The following C2CD3 variants were observed in gnomAD, a reference collection of about 807,000 sequenced individuals.
The protein encoded by C2CD3 is C2 domain containing 3 centriole elongation regulator.
A neutral mutation model predicts 234.0 loss-of-function variants in C2CD3; 148 were observed. The observed-to-expected ratio is 0.63, with a 90% CI of 0.55 to 0.72. The LOEUF (loss-of-function observed/expected upper bound fraction) is 0.72. Among genes scored for constraint, C2CD3 ranks in the 30% least tolerant of loss-of-function variants. The probability of loss-of-function intolerance (pLI) is 0.00; values close to 1 mark genes in which losing one functional copy is unlikely to be tolerated. For missense variants in C2CD3, 2,577 were observed against 2,811.5 expected (o/e 0.92, Z 1.89); for synonymous variants, 1,000 against 1,035.4 (o/e 0.97, Z 0.66).
intron 29 of C2CD3, among the ~76,000 whole-genome samples, chr11:74,037,930 C>T (rs1952820689): frequency 6.6e-6 from 1 of 152,118 alleles, no homozygotes; most frequent in Admixed American, 6.5e-5. Flanking sequence ...AATGCGATTC[C>T]TCATCTGATG....
At chr11:74,080,621 C>T (rs1389428303) in intron 22 of C2CD3, among the ~76,000 whole-genome samples, 3 of 152,234 alleles carry the variant, frequency 2.0e-5, no homozygotes, top group African/African-American at 7.2e-5. Flanking sequence ...AAATAGAGTG[C>T]TCACTTTAGA....
chr11:74,160,036 A>C (rs1170971494), intron 3 of C2CD3, among the ~76,000 whole-genome samples: 1 of 152,092 alleles, frequency 6.6e-6, no homozygotes, highest in East Asian at 1.9e-4. Context: ...TTGTGTTATA[A>C]CTGCCTTCAT....
intron 22 of C2CD3, among the ~76,000 whole-genome samples, chr11:74,079,931 T>C (rs12277116): frequency 0.083 from 12,550 of 152,058 alleles, 1,391 homozygotes; most frequent in African/African-American, 0.25. Flanking sequence ...GCTTTGTGGG[T>C]CATATGGTCT....
chr11:74,168,239 T>G, intron 2 of C2CD3, 105 bp downstream of exon 2: 1 of 896,366 alleles, frequency 1.1e-6, no homozygotes, highest in Non-Finnish European at 1.7e-6. Context: ...CTTCAATAAT[T>G]AAGAATGCCC....
In C2CD3 at chr11:74,058,260, C is replaced by T. The variant is rs542070533; in HGVS notation, c.4952-716G>A. On this transcript the variant is annotated intron_variant, in intron 24 of 32. Coordinates refer to ENST00000334126, the MANE Select transcript of C2CD3 (RefSeq NM_001286577.2). ...TGTAAAATTGGGCATATTATACTTACACTTCCAAAGATATTGTAAGGATTA... is the reference window on the plus strand; with the variant it reads ...TGTAAAATTGGGCATATTATACTTATACTTCCAAAGATATTGTAAGGATTA... Among the ~76,000 whole-genome samples, 5 of 152,252 alleles carry T rather than the reference C, an allele frequency of 3.3e-5. No individual in the cohort carries two copies. In the South Asian group the frequency reaches 1.0e-3, roughly 32 times the overall value.
At chr11:74,062,302 C>T (rs1954287421) in intron 24 of C2CD3, among the ~76,000 whole-genome samples, 1 of 152,294 alleles carries the variant, frequency 6.6e-6, no homozygotes, top group South Asian at 2.1e-4. Flanking sequence ...ACTCTCCACC[C>T]CAAATCAACA....
chr11:74,154,302 A>G (rs1406194191), intron 3 of C2CD3, among the ~76,000 whole-genome samples: 2 of 152,102 alleles, frequency 1.3e-5, no homozygotes, highest in Non-Finnish European at 2.9e-5. Flanking sequence ...TTCAAAAGAC[A>G]CAATCATGAA....
Position 74,082,686 on chromosome 11 carries a change from CT to C in C2CD3, c.4000+2194del, listed in dbSNP as rs558696700. On this transcript the variant is annotated intron_variant, in intron 22 of 32. Transcript: ENST00000334126. The stretch of plus-strand genomic sequence containing the variant: ...TTGATATGCTGCTGGATTCGCCCCC[CT>C]GTCCCTCCCCCAAAGGGAATAAAAT... 3.8e-3 allele frequency among the ~76,000 whole-genome samples: 585 copies of C among 152,182 alleles called. 2 individuals carry two copies. Among genetic ancestry groups the C allele is most frequent in the Non-Finnish European group, 6.4e-3 (433 of 67,966 alleles).
chr11:74,074,723 C>T (rs1954956957), intron 23 of C2CD3, 123 bp from the exon 24 acceptor site: 3 of 716,654 alleles, frequency 4.2e-6, no homozygotes, highest in Non-Finnish European at 6.8e-6. Flanking sequence ...CCCAATACAG[C>T]AATTTGCAAA....
At chr11:74,073,587 A>C (rs1954895869) in intron 24 of C2CD3, among the ~76,000 whole-genome samples, 1 of 29,262 alleles carries the variant, frequency 3.4e-5, no homozygotes, top group African/African-American at 2.4e-4. Flanking sequence ...ACTTTGTTTC[A>C]AAAAAAAAAA....
In C2CD3 at chr11:74,109,036, T is replaced by G; in HGVS notation, c.1960A>C (p.Lys654Gln). Reference sequence around the variant, plus strand: ...AAGGCCAAAATCACTCAAAGTACCTTTTTCTGTGGAGTTTTCTTTACATAA... The same window carrying G: ...AAGGCCAAAATCACTCAAAGTACCTGTTTCTGTGGAGTTTTCTTTACATAA... ...QIYVKKTPQK[K>Q]PEVIGSVSLS... is the part of the protein sequence containing the mutation. Residue 654 changes from lysine to glutamine, a missense_variant and splice_region_variant, in exon 12 of 33, where the codon AAG becomes CAG. Transcript: ENST00000334126. 1.9e-6 allele frequency: 3 copies of G among 1,560,078 alleles called. No homozygotes were observed. The highest frequency in any genetic ancestry group is 2.6e-6 in the Non-Finnish European group (3 of 1,133,070).
intron 3 of C2CD3, among the ~76,000 whole-genome samples, chr11:74,159,147 T>C (rs1325726659): frequency 2.0e-5 from 3 of 152,230 alleles, no homozygotes; most frequent in Non-Finnish European, 2.9e-5. Flanking sequence ...TGCATTACTC[T>C]ATGTTTGTGG....
intron 24 of C2CD3, among the ~76,000 whole-genome samples, chr11:74,073,018 T>C (rs925212206): frequency 9.2e-5 from 14 of 152,082 alleles, no homozygotes; most frequent in Admixed American, 2.6e-4. Flanking sequence ...GAGCTGGAAG[T>C]AGCCAGGCAA....
At chr11:74,116,681 C>T (rs1435324939) in intron 9 of C2CD3, among the ~76,000 whole-genome samples, 1 of 151,498 alleles carries the variant, frequency 6.6e-6, no homozygotes, top group Non-Finnish European at 1.5e-5. Flanking sequence ...TACTTGCATG[C>T]TTATAGCAGC....
intron 24 of C2CD3, among the ~76,000 whole-genome samples, chr11:74,059,499 C>T (rs1954124188): frequency 6.6e-6 from 1 of 151,716 alleles, no homozygotes; most frequent in Non-Finnish European, 1.5e-5. Flanking sequence ...TTTGAGGCTC[C>T]ACCCTTTTCT....
At chr11:74,032,764 C>T (rs943174437) in intron 31 of C2CD3, among the ~76,000 whole-genome samples, 24 of 151,680 alleles carry the variant, frequency 1.6e-4, no homozygotes, top group African/African-American at 5.1e-4. Flanking sequence ...ACTTGCAAGG[C>T]TGAGGTGGGA....
intron 3 of C2CD3, among the ~76,000 whole-genome samples, chr11:74,150,101 G>A (rs1004575132): frequency 1.8e-4 from 27 of 151,524 alleles, no homozygotes; most frequent in African/African-American, 6.1e-4. Flanking sequence ...GATATAACTT[G>A]CTGAAAGTCT....
intron 19 of C2CD3, among the ~76,000 whole-genome samples, chr11:74,091,808 G>C (rs2135482821): frequency 6.6e-6 from 1 of 152,184 alleles, no homozygotes. Context: ...TGAAGTTAAA[G>C]GTGAAATGAG....
chr11:74,119,159 C>T (rs1013701817), intron 8 of C2CD3, among the ~76,000 whole-genome samples: 1 of 152,130 alleles, frequency 6.6e-6, no homozygotes, highest in African/African-American at 2.4e-5. Context: ...ATCTGCCCAT[C>T]TCAGCCTCCC....
Sources: allele counts gnomAD v4.1 joint callset (sites outside exome capture counted in the v4.1 genomes callset), GRCh38; gene constraint gnomAD v4.1.1; transcripts MANE v1.5; gene names NCBI Gene and HGNC (gene_info 2026-07-23, HGNC 2026-07-21).